The following DCHS2 variants were observed in gnomAD, a reference collection of about 807,000 sequenced individuals.
DCHS2 encodes the protein dachsous cadherin-related 2.
Under a neutral mutation model 182.4 loss-of-function variants are expected in DCHS2, and 142 were observed. That is an observed-to-expected ratio of 0.78 (90% CI 0.68 to 0.89). DCHS2 has a LOEUF of 0.89. Ranked by LOEUF, DCHS2 falls within the 40% of genes least tolerant of loss-of-function variation. The pLI is 0.00. For synonymous variants in DCHS2, 1,740 were observed against 1,663.3 expected, an observed-to-expected ratio of 1.05 and a Z score of -1.12; for missense variants, 4,319 against 4,198.6, an observed-to-expected ratio of 1.03 and a Z score of -0.79.
chr4:154,360,148 T>C (rs1333566948), intron 3 of DCHS2, among the ~76,000 whole-genome samples: 1 of 152,054 alleles, frequency 6.6e-6, no homozygotes, highest in African/African-American at 2.4e-5. Flanking sequence ...GTTTATCCCA[T>C]GTAATTAATG....
At chr4:154,478,474 TC>T (rs1735779128) in intron 1 of DCHS2, among the ~76,000 whole-genome samples, 1 of 152,194 alleles carries the variant, frequency 6.6e-6, no homozygotes, top group Non-Finnish European at 1.5e-5. Context: ...GGAGTGAGTT[TC>T]CCATTTTTTG....
At chr4:154,415,532 G>T (rs1186352706) in intron 1 of DCHS2, among the ~76,000 whole-genome samples, 1 of 152,118 alleles carries the variant, frequency 6.6e-6, no homozygotes, top group African/African-American at 2.4e-5. Context: ...CTCCTTTTTG[G>T]AGAAGCAACC....
At position 154,332,977 on chromosome 4, in the gene DCHS2, T is replaced by C. The variant is rs756698449; in HGVS notation, c.3231A>G (p.Glu1077=). Residue 1077 remains glutamate, a synonymous_variant, in exon 5 of 20, where the codon GAA becomes GAG. Transcript: ENST00000357232. ...GTTCGAAAGTCCAGGATGGGCTGTG[T>C]TCGCGTTTCTCGATAACGACTGTCA... ...LVLTVVIEKR[E]HSPSWTFEHL... The C allele has an allele frequency of 6.2e-7, 1 of 1,614,222 alleles. No homozygotes were observed. Among genetic ancestry groups the C allele is most frequent in the South Asian group, 1.1e-5 (1 of 91,084 alleles).
chr4:154,474,411 C>G (rs1305607838), intron 1 of DCHS2, among the ~76,000 whole-genome samples: 2 of 152,154 alleles, frequency 1.3e-5, no homozygotes, highest in Non-Finnish European at 2.9e-5. Flanking sequence ...CTAAAGGGAG[C>G]TTCCTCACGC....
intron 1 of DCHS2, among the ~76,000 whole-genome samples, chr4:154,454,498 A>G (rs1734682557): frequency 6.6e-6 from 1 of 152,178 alleles, no homozygotes; most frequent in African/African-American, 2.4e-5. Flanking sequence ...ATTATTCTAC[A>G]TATGGACTTA....
rs750096621 is a variant in DCHS2, at chr4:154,298,470, C to T, written c.5844G>A (p.Val1948=). 4 of 1,614,046 alleles carry T rather than the reference C, an allele frequency of 2.5e-6. No individual in the cohort carries two copies. Among genetic ancestry groups the T allele is most frequent in the Non-Finnish European group, 3.4e-6 (4 of 1,180,008 alleles). ...YQSSVREDAE[V]GTVVLVLSAV... is the part of the protein sequence containing the mutation. Reference sequence around the variant, plus strand: ...CTGAAAGCACAAGAACCACTGTTCCCACTTCAGCATCTTCTCTCACAGAGG... The same window carrying T: ...CTGAAAGCACAAGAACCACTGTTCCTACTTCAGCATCTTCTCTCACAGAGG... The change falls in exon 13 of 20, where the codon GTG becomes GTA. Residue 1948 remains valine (V), a synonymous_variant. Coordinates refer to ENST00000357232, the MANE Select transcript of DCHS2 (RefSeq NM_001358235.2).
chr4:154,481,704 C>A (rs1281557892), intron 1 of DCHS2, among the ~76,000 whole-genome samples: 4 of 152,178 alleles, frequency 2.6e-5, no homozygotes, highest in Admixed American at 6.5e-5. Context: ...TTAATCGCCA[C>A]AATAACCCTA....
chr4:154,299,944 G>T (rs1204920327), intron 12 of DCHS2, among the ~76,000 whole-genome samples: 1 of 152,196 alleles, frequency 6.6e-6, no homozygotes, highest in Non-Finnish European at 1.5e-5. Flanking sequence ...ATTTCTCTGA[G>T]AAGTACAGAG....
chr4:154,328,005 TA>T, intron 7 of DCHS2, 87 bp downstream of exon 7: 1 of 890,544 alleles, frequency 1.1e-6, no homozygotes. Context: ...GTAATCAAAA[TA>T]GAACTTCTTT....
At chr4:154,285,339 G>A (rs868753544) in intron 13 of DCHS2, among the ~76,000 whole-genome samples, 2 of 151,992 alleles carry the variant, frequency 1.3e-5, no homozygotes, top group Non-Finnish European at 2.9e-5. Context: ...CTTTCTGCTA[G>A]AGAAAAAGAG....
At chr4:154,278,043 ACAC>A (rs1453053992) in intron 13 of DCHS2, among the ~76,000 whole-genome samples, 4 of 80,660 alleles carry the variant, frequency 5.0e-5, no homozygotes, top group Non-Finnish European at 5.2e-5. Context: ...TCCATCACAC[ACAC>A]AAAAAAAAAG....
At chr4:154,361,555 G>T (rs1473537164) in intron 3 of DCHS2, among the ~76,000 whole-genome samples, 1 of 151,966 alleles carries the variant, frequency 6.6e-6, no homozygotes, top group African/African-American at 2.4e-5. Flanking sequence ...AAACAGTGTG[G>T]TCTGCCTTGT....
intron 1 of DCHS2, among the ~76,000 whole-genome samples, chr4:154,485,464 C>A (rs1728552508): frequency 6.6e-6 from 1 of 152,160 alleles, no homozygotes; most frequent in African/African-American, 2.4e-5. Context: ...AAGGGGTGAT[C>A]AGCAAGTGGG....
chr4:154,443,713 C>T (rs1455557172), intron 1 of DCHS2, among the ~76,000 whole-genome samples: 6 of 152,214 alleles, frequency 3.9e-5, no homozygotes, highest in African/African-American at 1.4e-4. Flanking sequence ...TTCTCAGGAT[C>T]ATTCTTTCAG....
chr4:154,376,075 G>C (rs1471418725), intron 2 of DCHS2, among the ~76,000 whole-genome samples: 1 of 152,068 alleles, frequency 6.6e-6, no homozygotes, highest in African/African-American at 2.4e-5. Flanking sequence ...GGCAGGGATG[G>C]GGGCATGGAG....
At position 154,255,647 on chromosome 4, in the gene DCHS2, A is replaced by G. The variant is rs1560988085; in HGVS notation, c.6813T>C (p.Ser2271=). The part of the protein sequence containing the change: ...VIQVFATDLD[S]GLNGLIEYSI... ...AATACTCAATCAGGCCGTTCAAACC[A>G]CTGTCCAAGTCGGTAGCAAAAACCT... Residue 2271 remains serine (S), a synonymous_variant, in exon 16 of 20, where the codon AGT becomes AGC. Coordinates refer to ENST00000357232, the MANE Select transcript of DCHS2 (RefSeq NM_001358235.2). 1 of 1,613,486 alleles carries G rather than the reference A, an allele frequency of 6.2e-7. No homozygotes were observed. The highest frequency in any genetic ancestry group is 8.5e-7 in the Non-Finnish European group (1 of 1,179,728).
At chr4:154,347,654 A>G (rs1375845081) in intron 3 of DCHS2, among the ~76,000 whole-genome samples, 1 of 151,924 alleles carries the variant, frequency 6.6e-6, no homozygotes, top group Non-Finnish European at 1.5e-5. Flanking sequence ...ACAAGGTATT[A>G]GATGGGTAAT....
chr4:154,424,215 CAAGAAA>C (rs1373361384), intron 1 of DCHS2, among the ~76,000 whole-genome samples: 2 of 151,842 alleles, frequency 1.3e-5, no homozygotes, highest in African/African-American at 4.8e-5. Context: ...TCAAAGAATT[CAAGAAA>C]AAGAAAAAGT....
intron 1 of DCHS2, among the ~76,000 whole-genome samples, chr4:154,476,691 C>T (rs1735697069): frequency 6.6e-6 from 1 of 152,142 alleles, no homozygotes. Context: ...AAGGTCTCTG[C>T]CATCATCTCA....
Sources: gnomAD v4.1 joint callset for allele counts (sites outside exome capture counted in the v4.1 genomes callset) on GRCh38, gnomAD v4.1.1 for gene constraint, MANE v1.5 for transcripts, NCBI Gene and HGNC (gene_info 2026-07-23, HGNC 2026-07-21) for gene names.